The following PTPRQ variants were observed in gnomAD, a reference collection of about 807,000 sequenced individuals.
The protein encoded by PTPRQ is phosphatidylinositol phosphatase PTPRQ.
In PTPRQ, 199 loss-of-function variants were observed where a neutral mutation model predicts 246.0. The observed-to-expected ratio is 0.81, with a 90% CI of 0.72 to 0.91. The LOEUF is 0.91. PTPRQ is among the 40% of genes least tolerant of loss of function. The pLI is 0.00. For missense variants in PTPRQ, 2,624 were observed against 2,528.4 expected, an observed-to-expected ratio of 1.04 and a Z score of -0.81; for synonymous variants, 869 against 853.2, an observed-to-expected ratio of 1.02 and a Z score of -0.32.
intron 35 of PTPRQ, among the ~76,000 whole-genome samples, chr12:80,642,475 T>C (rs1031432778): frequency 6.6e-6 from 1 of 152,218 alleles, no homozygotes; most frequent in East Asian, 1.9e-4. Flanking sequence ...AGAATATTTC[T>C]TCAAATGTGC....
chr12:80,676,175 C>A (rs535220770), intron 43 of PTPRQ, among the ~76,000 whole-genome samples: 13 of 152,266 alleles, frequency 8.5e-5, no homozygotes, highest in African/African-American at 3.1e-4. Context: ...CCTTGCACAA[C>A]AGCAGTTTCT....
In PTPRQ at chr12:80,510,326, CT is replaced by C; in HGVS notation, c.2562del (p.Asp855IlefsTer9). On this transcript the variant is annotated frameshift_variant, in exon 17 of 45. Coordinates refer to ENST00000644991, the MANE Select transcript of PTPRQ (RefSeq NM_001145026.2). LOFTEE classifies it high-confidence loss of function. ...PISILTEEDAPDSPPQDFSVK... is the reference protein window; with the variant it reads ...PISILTEEDAXDSPPQDFSVK... ...ATTCTATACCCTAACTTTACAGCTC[CT>C]GATTCTCCCCCTCAAGACTTCTCTG... The C allele has an allele frequency of 6.5e-7, 1 of 1,542,680 alleles. No individual in the cohort carries two copies. Among genetic ancestry groups the C allele is most frequent in the South Asian group, 1.2e-5 (1 of 82,042 alleles).
At chr12:80,567,761 C>CT (rs975938892) in intron 25 of PTPRQ, among the ~76,000 whole-genome samples, 2 of 152,004 alleles carry the variant, frequency 1.3e-5, no homozygotes, top group Non-Finnish European at 2.9e-5. Context: ...TTGTACAAAT[C>CT]TTTTTTCTGT....
chr12:80,673,461 T>C (rs1358361820), intron 43 of PTPRQ, among the ~76,000 whole-genome samples, 157 bp downstream of exon 43: 2 of 152,056 alleles, frequency 1.3e-5, no homozygotes, highest in Non-Finnish European at 2.9e-5. Flanking sequence ...GGGCAGCTGA[T>C]AGAGATTATA....
At chr12:80,467,388 A>G (rs1370289417) in intron 6 of PTPRQ, among the ~76,000 whole-genome samples, 6 of 152,184 alleles carry the variant, frequency 3.9e-5, no homozygotes, top group Non-Finnish European at 7.3e-5. Context: ...GAGAAATAGG[A>G]ACATTTTTAC....
At chr12:80,482,470 G>T (rs1592564906) in intron 8 of PTPRQ, among the ~76,000 whole-genome samples, 1 of 151,678 alleles carries the variant, frequency 6.6e-6, no homozygotes, top group East Asian at 1.9e-4. Context: ...CATGGGCAAG[G>T]ACTTCATGTC....
chr12:80,623,600 T>C (rs988508307), intron 33 of PTPRQ, among the ~76,000 whole-genome samples: 2 of 152,162 alleles, frequency 1.3e-5, no homozygotes, highest in African/African-American at 4.8e-5. Context: ...GTAGTGATCC[T>C]GGTGCATTTG....
chr12:80,552,995 C>G (rs1896532277), intron 25 of PTPRQ, among the ~76,000 whole-genome samples: 1 of 151,914 alleles, frequency 6.6e-6, no homozygotes, highest in African/African-American at 2.4e-5. Context: ...CCACCGCAAA[C>G]TCTTTGCTTG....
rs1896157006 is a variant in PTPRQ, at chr12:80,541,650, GTCT to G, written c.3254_3256del (p.Phe1085del). ...CCCACCGGCTCAACCAAACGGTCTA[GTCT>G]TCTACTATGTTTCACTGATCTTACA... is the stretch of plus-strand genomic sequence containing the variant. On this transcript the variant is annotated inframe_deletion, in exon 21 of 45. Coordinates refer to ENST00000644991, the MANE Select transcript of PTPRQ (RefSeq NM_001145026.2). 4.5e-6 allele frequency: 7 copies of G among 1,550,802 alleles called. No individual in the cohort carries two copies. Among genetic ancestry groups the G allele is most frequent in the Non-Finnish European group, 4.4e-6 (5 of 1,146,588 alleles).
intron 33 of PTPRQ, among the ~76,000 whole-genome samples, chr12:80,625,488 C>T (rs1049519825): frequency 2.6e-5 from 4 of 152,138 alleles, no homozygotes; most frequent in African/African-American, 9.7e-5. Flanking sequence ...TTGCACGACT[C>T]TGTTTCCACA....
At chr12:80,472,052 A>C in intron 7 of PTPRQ, 53 bp from the exon 8 acceptor site, 1 of 1,544,232 alleles carries the variant, frequency 6.5e-7, no homozygotes, top group Non-Finnish European at 8.7e-7. Context: ...AAATGTGAAC[A>C]TGATTGCACG....
chr12:80,481,222 A>G (rs1297213502), intron 8 of PTPRQ, among the ~76,000 whole-genome samples: 2 of 152,248 alleles, frequency 1.3e-5, no homozygotes, highest in Non-Finnish European at 2.9e-5. Flanking sequence ...GGTTCAATAT[A>G]TTAAAATCAA....
chr12:80,633,117 A>G (rs1192391554), intron 34 of PTPRQ, among the ~76,000 whole-genome samples: 1 of 152,192 alleles, frequency 6.6e-6, no homozygotes, highest in African/African-American at 2.4e-5. Flanking sequence ...CCAATATCAA[A>G]GAGCACAGCA....
chr12:80,662,845 G>T (rs994563533), intron 39 of PTPRQ, among the ~76,000 whole-genome samples: 2 of 151,906 alleles, frequency 1.3e-5, no homozygotes, highest in Admixed American at 1.3e-4. Context: ...CAATTAAAGG[G>T]CAAAAGTCCA....
intron 26 of PTPRQ, among the ~76,000 whole-genome samples, chr12:80,600,495 A>T (rs1483634062): frequency 6.6e-6 from 1 of 151,606 alleles, no homozygotes; most frequent in African/African-American, 2.4e-5. Flanking sequence ...AGATACAGAA[A>T]TTTTTCCAGA....
chr12:80,622,186 G>A, intron 33 of PTPRQ, 52 bp downstream of exon 33: 1 of 1,250,896 alleles, frequency 8.0e-7, no homozygotes. Context: ...ATCAAAGTTG[G>A]AACATTTATT....
chr12:80,540,158 G>C (rs1188420695), intron 20 of PTPRQ, among the ~76,000 whole-genome samples: 1 of 151,944 alleles, frequency 6.6e-6, no homozygotes, highest in Non-Finnish European at 1.5e-5. Flanking sequence ...TGAAAATTCT[G>C]TTCTTTTTAT....
intron 23 of PTPRQ, among the ~76,000 whole-genome samples, chr12:80,545,761 A>ATTT (rs889281176): frequency 2.0e-5 from 3 of 147,660 alleles, no homozygotes; most frequent in Admixed American, 6.8e-5. Context: ...AATAATAATA[A>ATTT]TTTATTATTA....
intron 39 of PTPRQ, among the ~76,000 whole-genome samples, chr12:80,666,534 T>C (rs2121273827): frequency 6.6e-6 from 1 of 152,066 alleles, no homozygotes; most frequent in African/African-American, 2.4e-5. Flanking sequence ...ATTGTATATT[T>C]TCAAATAGCT....
Sources: allele counts gnomAD v4.1 joint callset (sites outside exome capture counted in the v4.1 genomes callset), GRCh38; gene constraint gnomAD v4.1.1; transcripts MANE v1.5; gene names NCBI Gene and HGNC (gene_info 2026-07-23, HGNC 2026-07-21).